Variants in INSC observed in about 807,000 individuals in gnomAD.
The protein encoded by INSC is protein inscuteable homolog.
A neutral mutation model predicts 58.6 loss-of-function variants in INSC; 67 were observed. The ratio of observed to expected loss-of-function variants is 1.14; its 90% CI spans 0.94 to 1.40. The LOEUF is 1.40. Among genes scored for constraint, INSC ranks in the 40% most tolerant of loss-of-function variants. The pLI is 0.00. For missense variants in INSC, 714 were observed against 692.0 expected, an observed-to-expected ratio of 1.03 and a Z score of -0.36; for synonymous variants, 262 against 276.1, an observed-to-expected ratio of 0.95 and a Z score of 0.51.
At chr11:15,180,213 G>A (rs1365989248) in intron 5 of INSC, among the ~76,000 whole-genome samples, 1 of 152,004 alleles carries the variant, frequency 6.6e-6, no homozygotes, top group African/African-American at 2.4e-5. Context: ...AGGGGAGATC[G>A]CGCCACTGCA....
chr11:15,235,790 T>C (rs894729094), intron 10 of INSC, 122 bp downstream of exon 10: 1 of 867,126 alleles, frequency 1.2e-6, no homozygotes, highest in Admixed American at 1.7e-5. Context: ...GGCGCAGGAA[T>C]CATGCCTGTA....
At chr11:15,155,303 A>G (rs1848778071) in intron 2 of INSC, among the ~76,000 whole-genome samples, 1 of 152,176 alleles carries the variant, frequency 6.6e-6, no homozygotes, top group Non-Finnish European at 1.5e-5. Context: ...ACTTGAGGGC[A>G]TCCTTTAAAG....
chr11:15,203,699 C>A (rs553941745), intron 7 of INSC, among the ~76,000 whole-genome samples: 32 of 152,228 alleles, frequency 2.1e-4, no homozygotes, highest in African/African-American at 7.7e-4. Flanking sequence ...TAACAGTGAA[C>A]AAAACAGACA....
chr11:15,178,454 G>T lies in INSC; in HGVS notation c.579+7G>T. On this transcript the variant is annotated splice_region_variant and intron_variant, in intron 5 of 12. Transcript: ENST00000379556. ...CCTGACACGGGAGGTTCAGGTCAGTGCAGGCTGGGCTGCAGGGAGGGGTGC... is the reference window on the plus strand; with the variant it reads ...CCTGACACGGGAGGTTCAGGTCAGTTCAGGCTGGGCTGCAGGGAGGGGTGC... The T allele has an allele frequency of 6.2e-7, 1 of 1,607,740 alleles. No homozygotes were observed. The highest frequency in any genetic ancestry group is 8.5e-7 in the Non-Finnish European group (1 of 1,179,666).
upstream of INSC, among the ~76,000 whole-genome samples, chr11:15,112,200 C>G (rs762860003): frequency 2.0e-5 from 3 of 152,218 alleles, no homozygotes; most frequent in African/African-American, 7.2e-5. Flanking sequence ...CAGCTAGGGC[C>G]GGCGCCGGGG....
chr11:15,232,664 C>A (rs183477524), intron 9 of INSC, among the ~76,000 whole-genome samples: 1 of 152,040 alleles, frequency 6.6e-6, no homozygotes, highest in Non-Finnish European at 1.5e-5. Flanking sequence ...TTTCTAGATG[C>A]GATTGAGTTA....
At chr11:15,141,757 T>C (rs923099098) in intron 1 of INSC, among the ~76,000 whole-genome samples, 1 of 152,042 alleles carries the variant, frequency 6.6e-6, no homozygotes, top group Non-Finnish European at 1.5e-5. Flanking sequence ...TGGGGAGGGA[T>C]ATATGTTGTG....
intron 2 of INSC, among the ~76,000 whole-genome samples, chr11:15,165,493 G>T (rs1849163927): frequency 1.3e-5 from 2 of 152,140 alleles, no homozygotes; most frequent in Admixed American, 1.3e-4. Flanking sequence ...TGTATAACTT[G>T]TCCAAAGTTA....
intron 7 of INSC, among the ~76,000 whole-genome samples, chr11:15,211,077 G>T (rs917143689): frequency 1.3e-5 from 2 of 152,004 alleles, no homozygotes; most frequent in Non-Finnish European, 2.9e-5. Flanking sequence ...AGACTTACTG[G>T]AGGAAGAGAA....
intron 1 of INSC, among the ~76,000 whole-genome samples, chr11:15,124,265 T>C (rs1847938098): frequency 6.6e-6 from 1 of 152,166 alleles, no homozygotes; most frequent in African/African-American, 2.4e-5. Flanking sequence ...GAGATGTCAC[T>C]GTGCTGGTCT....
intron 2 of INSC, among the ~76,000 whole-genome samples, chr11:15,173,136 G>T (rs183605517): frequency 1.1e-3 from 166 of 152,284 alleles, no homozygotes; most frequent in Non-Finnish European, 2.0e-3. Flanking sequence ...TGGGAAAATG[G>T]CTTAATAAGT....
At chr11:15,131,750 T>C (rs181163237) in intron 1 of INSC, among the ~76,000 whole-genome samples, 3 of 152,328 alleles carry the variant, frequency 2.0e-5, no homozygotes, top group African/African-American at 7.2e-5. Context: ...ATTATATAAA[T>C]ACATTAGCAT....
chr11:15,210,828 G>A (rs529383713), intron 7 of INSC, among the ~76,000 whole-genome samples: 241 of 152,120 alleles, frequency 1.6e-3, no homozygotes, highest in African/African-American at 5.5e-3. Flanking sequence ...GGGCTGGTGG[G>A]GTGGAGGGAG....
intron 1 of INSC, among the ~76,000 whole-genome samples, chr11:15,116,805 T>TTTCTTTCTTTCTTTCTTTCTTTC (rs1554900053): frequency 3.0e-4 from 6 of 19,980 alleles, no homozygotes; most frequent in South Asian, 2.8e-3. Context: ...CTTTTCTTTC[T>TTTCTTTCTTTCTTTCTTTCTTTC]TTTCTTTCTT....
Position 15,227,208 on chromosome 11 carries a change from G to T in INSC, c.1170+1380G>T, listed in dbSNP as rs1327686809. 4.6e-5 allele frequency among the ~76,000 whole-genome samples: 7 copies of T among 152,156 alleles called. No individual in the cohort carries two copies. The East Asian group carries it at 1.3e-3, about 29-fold the overall frequency. On this transcript the variant is annotated intron_variant, in intron 9 of 12. Coordinates refer to ENST00000379556, the MANE Select transcript of INSC (RefSeq NM_001042536.3). ...AGAACTTGATCTTTGACTCTCATCT[G>T]CTGTCATCTTTGAAGAAAGGAGGTA...
chr11:15,159,224 C>T (rs1421334489), intron 2 of INSC, among the ~76,000 whole-genome samples: 1 of 152,120 alleles, frequency 6.6e-6, no homozygotes, highest in Admixed American at 6.5e-5. Context: ...AGGCAAGGTA[C>T]CCAAGTGATG....
intron 2 of INSC, among the ~76,000 whole-genome samples, chr11:15,162,612 A>G (rs1328318700): frequency 1.3e-5 from 2 of 152,174 alleles, no homozygotes; most frequent in Admixed American, 6.5e-5. Context: ...CCCTGCTATG[A>G]TGTACTCTCC....
In INSC at chr11:15,225,801, A is replaced by G. The variant is rs1589992492; in HGVS notation, c.1143A>G (p.Arg381=). Residue 381 remains arginine, a synonymous_variant, in exon 9 of 13, where the codon AGA becomes AGG. Coordinates refer to ENST00000379556, the MANE Select transcript of INSC (RefSeq NM_001042536.3). ...VLLEACSDKQ[R]VDTPYTRDQI... The stretch of plus-strand genomic sequence containing the variant: ...TGGAAGCCTGCAGTGACAAGCAGAG[A>G]GTGGACACGCCTTACACTCGGGACC... The G allele has an allele frequency of 6.2e-7, 1 of 1,613,664 alleles. No individual in the cohort carries two copies. The highest frequency in any genetic ancestry group is 8.5e-7 in the Non-Finnish European group (1 of 1,179,816).
In INSC at chr11:15,235,737, GT is replaced by G. The variant is rs373062027; in HGVS notation, c.1237+70del. On this transcript the variant is annotated intron_variant, in intron 10 of 12. Coordinates refer to ENST00000379556, the MANE Select transcript of INSC (RefSeq NM_001042536.3). ...TGTAGGGGACTGTGTCTTTGTGCTT[GT>G]GTGAATGCCTGTGCAGGTATGTAAA... 4.2e-4 allele frequency: 542 copies of G among 1,297,232 alleles called. 1 individual carries two copies. The South Asian group carries it at 6.1e-3, about 15-fold the overall frequency. The allele number at this position is 1,297,232 out of a possible 1,614,324, so 80.4% of individuals were successfully genotyped here. A position where few individuals can be genotyped will look rare whatever the true frequency, so the allele number is the denominator to read the frequency against.
Sources: allele counts gnomAD v4.1 joint callset (sites outside exome capture counted in the v4.1 genomes callset), GRCh38; gene constraint gnomAD v4.1.1; transcripts MANE v1.5; gene names NCBI Gene and HGNC (gene_info 2026-07-23, HGNC 2026-07-21).